TENM2: variants seen among roughly 807,000 people sequenced by gnomAD.
TENM2 encodes the protein teneurin-2.
In TENM2, 52 loss-of-function variants were observed where a neutral mutation model predicts 245.2. That is an observed-to-expected ratio of 0.21 (90% confidence interval 0.17 to 0.27). TENM2 has a LOEUF of 0.27. Ranked by LOEUF, TENM2 falls within the 10% of genes least tolerant of loss-of-function variation. The pLI is 1.00. For missense variants in TENM2, 3,046 were observed against 3,666.8 expected (o/e 0.83, Z 4.37); for synonymous variants, 1,363 against 1,438.9 (o/e 0.95, Z 1.19).
At chr5:168,035,754 T>C (rs73803849) in intron 5 of TENM2, among the ~76,000 whole-genome samples, 5,981 of 152,250 alleles carry the variant, frequency 0.039, 404 homozygotes, top group African/African-American at 0.14. Context: ...GGTTTCGTCC[T>C]AACTACAGGA....
At chr5:168,137,063 T>C (rs767419831) in intron 12 of TENM2, among the ~76,000 whole-genome samples, 2 of 152,148 alleles carry the variant, frequency 1.3e-5, no homozygotes, top group Admixed American at 1.3e-4. Context: ...CCCAGCACCA[T>C]GCAGTGCAAA....
exon 5 of TENM2, chr5:167,993,072 G>A: frequency 1.9e-6 from 3 of 1,613,982 alleles, no homozygotes; most frequent in Non-Finnish European, 2.5e-6. Context: ...ACTTTCTCCA[G>A]GAAGGCTTTC....
chr5:167,110,588 G>T, the TENM2 span, among the ~76,000 whole-genome samples: 1 of 152,218 alleles, frequency 6.6e-6, no homozygotes, highest in Non-Finnish European at 1.5e-5. Context: ...ACAGTTAATT[G>T]ATTGGGTAGT....
chr5:167,106,507 T>C, the TENM2 span, among the ~76,000 whole-genome samples: 1 of 152,174 alleles, frequency 6.6e-6, no homozygotes, highest in Non-Finnish European at 1.5e-5. Context: ...AAAAAGGTGA[T>C]TTGGAATCAA....
intron 2 of TENM2, among the ~76,000 whole-genome samples, chr5:167,803,282 G>A (rs1765916049): frequency 6.6e-6 from 1 of 152,156 alleles, no homozygotes; most frequent in Non-Finnish European, 1.5e-5. Context: ...CTCCAAGGGA[G>A]ACTGACATTC....
At chr5:167,227,662 G>A in the TENM2 span, among the ~76,000 whole-genome samples, 1 of 152,124 alleles carries the variant, frequency 6.6e-6, no homozygotes, top group Admixed American at 6.5e-5. Flanking sequence ...GGTGAAGAAA[G>A]GCTTTTCTCT....
In TENM2 at chr5:167,577,484, A is replaced by G. The variant is rs559233807; in HGVS notation, c.502+202011A>G. ...TCTCTTTTCTGGGAGGAAAAAGCTT[A>G]TATTTAGAAGGCATAAGTGTCAGCT... On this transcript the variant is annotated intron_variant, in intron 2 of 28. Transcript: ENST00000518659. 7.9e-5 allele frequency among the ~76,000 whole-genome samples: 12 copies of G among 152,300 alleles called. No individual in the cohort carries two copies. In the South Asian group the frequency reaches 2.3e-3, roughly 29 times the overall value.
chr5:167,590,097 G>A (rs1029507136), intron 2 of TENM2, among the ~76,000 whole-genome samples: 52 of 114,270 alleles, frequency 4.6e-4, no homozygotes, highest in Admixed American at 4.2e-3. Flanking sequence ...TGAATTCTCT[G>A]CTTGATTACA....
intron 3 of TENM2, among the ~76,000 whole-genome samples, chr5:167,936,711 A>G (rs981853623): frequency 2.0e-5 from 3 of 152,222 alleles, no homozygotes; most frequent in African/African-American, 7.2e-5. Flanking sequence ...TTTTAACACA[A>G]ATACAGGTTT....
At chr5:167,348,636 ATTC>A (rs1470252430) in intron 1 of TENM2, among the ~76,000 whole-genome samples, 1 of 152,212 alleles carries the variant, frequency 6.6e-6, no homozygotes, top group African/African-American at 2.4e-5. Context: ...GTAGAGATTT[ATTC>A]TTAGAAAGGC....
chr5:167,580,948 C>T (rs1170571722), intron 2 of TENM2, among the ~76,000 whole-genome samples: 1 of 152,118 alleles, frequency 6.6e-6, no homozygotes, highest in Non-Finnish European at 1.5e-5. Flanking sequence ...GAGATCGTGC[C>T]GCTGCACTCC....
intron 4 of TENM2, among the ~76,000 whole-genome samples, chr5:167,982,612 A>T (rs1782930063): frequency 6.6e-6 from 1 of 152,024 alleles, no homozygotes; most frequent in African/African-American, 2.4e-5. Flanking sequence ...GACCAGGGAG[A>T]ATACCTAGCT....
chr5:167,506,470 A>G (rs1769558572), intron 2 of TENM2, among the ~76,000 whole-genome samples: 1 of 152,206 alleles, frequency 6.6e-6, no homozygotes, highest in East Asian at 1.9e-4. Context: ...CCACATGTCA[A>G]TACTTTTTAG....
chr5:167,488,935 C>G (rs1231272423), intron 2 of TENM2, among the ~76,000 whole-genome samples: 1 of 152,050 alleles, frequency 6.6e-6, no homozygotes, highest in Non-Finnish European at 1.5e-5. Flanking sequence ...TAGAGTGGTC[C>G]TTGATTTGTG....
At chr5:167,228,846 A>C in the TENM2 span, among the ~76,000 whole-genome samples, 1 of 152,028 alleles carries the variant, frequency 6.6e-6, no homozygotes. Context: ...CTGGGACTAC[A>C]GGTACCCGCC....
chr5:167,454,500 CTG>C (rs766099655), intron 2 of TENM2, among the ~76,000 whole-genome samples: 6 of 149,826 alleles, frequency 4.0e-5, no homozygotes, highest in Non-Finnish European at 5.9e-5. Context: ...GTGTATGTGT[CTG>C]TATTTCTCAT....
chr5:167,400,296 T>C (rs1762289989), intron 2 of TENM2, among the ~76,000 whole-genome samples: 1 of 151,884 alleles, frequency 6.6e-6, no homozygotes, highest in Non-Finnish European at 1.5e-5. Context: ...CAGAGGCAAC[T>C]TGACAGGGAT....
chr5:167,361,445 C>G (rs2127266805), intron 1 of TENM2, among the ~76,000 whole-genome samples: 1 of 152,212 alleles, frequency 6.6e-6, no homozygotes, highest in Middle Eastern at 3.4e-3. Flanking sequence ...CTCATTGTAT[C>G]TTTCTTATTG....
chr5:167,463,913 A>G (rs553508466), intron 2 of TENM2, among the ~76,000 whole-genome samples: 1 of 152,286 alleles, frequency 6.6e-6, no homozygotes, highest in Admixed American at 6.5e-5. Flanking sequence ...GAAAAATTTG[A>G]AGTTTGAATT....
Sources: allele counts gnomAD v4.1 joint callset (sites outside exome capture counted in the v4.1 genomes callset), GRCh38; gene constraint gnomAD v4.1.1; transcripts MANE v1.5; gene names NCBI Gene and HGNC (gene_info 2026-07-23, HGNC 2026-07-21).